Variants in PCGF5 observed in about 807,000 individuals in gnomAD.
PCGF5 encodes polycomb group RING finger protein 5.
In PCGF5, 9 loss-of-function variants were observed where a neutral mutation model predicts 44.3. The ratio of observed to expected loss-of-function variants is 0.20; its 90% CI spans 0.12 to 0.35. The LOEUF (loss-of-function observed/expected upper bound fraction) is 0.35, where lower values mean the gene tolerates loss of function less well. Ranked by LOEUF, PCGF5 falls within the 10% of genes least tolerant of loss-of-function variation. The pLI is 1.00. For missense variants in PCGF5, 146 were observed against 305.3 expected (o/e 0.48, Z 3.89); for synonymous variants, 95 against 102.5 (o/e 0.93, Z 0.44).
chr10:91,187,411 T>C (rs1361518275), intron 1 of PCGF5, among the ~76,000 whole-genome samples: 1 of 152,104 alleles, frequency 6.6e-6, no homozygotes, highest in East Asian at 1.9e-4. Context: ...ACCTGCTTTG[T>C]GGATACAGTC....
intron 6 of PCGF5, among the ~76,000 whole-genome samples, chr10:91,251,686 T>G (rs1845627278): frequency 1.3e-5 from 2 of 152,028 alleles, no homozygotes. Context: ...TTTCTCCTTT[T>G]ATACCTTTGC....
intron 7 of PCGF5, 100 bp from the exon 8 acceptor site, chr10:91,264,331 T>C: frequency 2.3e-6 from 2 of 885,874 alleles, no homozygotes; most frequent in Non-Finnish European, 3.4e-6. Context: ...ATAATACTTT[T>C]GTTCCAACTA....
intron 1 of PCGF5, among the ~76,000 whole-genome samples, chr10:91,206,402 G>A (rs1261880749): frequency 6.6e-6 from 1 of 152,084 alleles, no homozygotes; most frequent in Non-Finnish European, 1.5e-5. Flanking sequence ...AAAAACCAAA[G>A]AGACAATTTC....
intron 1 of PCGF5, among the ~76,000 whole-genome samples, chr10:91,200,085 C>T (rs987956155): frequency 2.6e-5 from 4 of 152,206 alleles, no homozygotes; most frequent in Non-Finnish European, 5.9e-5. Flanking sequence ...ATCCATCCTC[C>T]TTGACTGAGG....
chr10:91,255,864 G>A (rs1200883966), intron 6 of PCGF5, among the ~76,000 whole-genome samples: 1 of 151,950 alleles, frequency 6.6e-6, no homozygotes, highest in Admixed American at 6.6e-5. Flanking sequence ...ATATAAAATG[G>A]TGTAGTATTT....
chr10:91,220,970 C>CA (rs1449975204), intron 1 of PCGF5, 134 bp downstream of exon 1: 1 of 152,204 alleles, frequency 6.6e-6, no homozygotes, highest in African/African-American at 2.4e-5. Context: ...CCTTCGGGTG[C>CA]AGGGGGCTAC....
chr10:91,171,075 G>A (rs960346117), intron 1 of PCGF5, among the ~76,000 whole-genome samples: 1 of 152,182 alleles, frequency 6.6e-6, no homozygotes, highest in Non-Finnish European at 1.5e-5. Flanking sequence ...TGGTTGCCAA[G>A]GGTTAGAATG....
rs1846475635 is a variant in PCGF5 at position 91,282,374 on chromosome 10, CATGGGAGG to C, written c.*4059_*4066del. ...TGGCACGCGCCTGTAATCCCAGCTA[CATGGGAGG>C]TTGAGGCAGGAGAATCTCTTGAACC... On this transcript the variant is annotated 3_prime_UTR_variant, in exon 10 of 10. Coordinates refer to ENST00000336126, the MANE Select transcript of PCGF5 (RefSeq NM_032373.5). 6.6e-6 allele frequency: 1 copy of C among 152,438 alleles called. No individual in the cohort carries two copies. The highest frequency in any genetic ancestry group is 1.5e-5 in the Non-Finnish European group (1 of 68,108). 9.4% of individuals were successfully genotyped at this position (152,438 alleles called of 1,614,324 possible).
chr10:91,187,663 G>A (rs541555868), intron 1 of PCGF5, among the ~76,000 whole-genome samples: 1 of 152,280 alleles, frequency 6.6e-6, no homozygotes, highest in African/African-American at 2.4e-5. Context: ...CATGGGGAAA[G>A]TGTATTATAT....
intron 1 of PCGF5, among the ~76,000 whole-genome samples, chr10:91,204,632 G>T (rs1054546752): frequency 6.6e-6 from 1 of 152,174 alleles, no homozygotes; most frequent in Non-Finnish European, 1.5e-5. Context: ...ATAAACATGA[G>T]AACCCAGAAA....
At chr10:91,178,492 C>A (rs1307744745) in intron 1 of PCGF5, among the ~76,000 whole-genome samples, 1 of 151,524 alleles carries the variant, frequency 6.6e-6, no homozygotes, top group Non-Finnish European at 1.5e-5. Context: ...CAGGCTCAAG[C>A]AATACCCCCA....
At chr10:91,189,048 A>G (rs1485668963) in intron 1 of PCGF5, among the ~76,000 whole-genome samples, 1 of 152,252 alleles carries the variant, frequency 6.6e-6, no homozygotes, top group Non-Finnish European at 1.5e-5. Context: ...ATTAGCTAGC[A>G]TGTGGCTGCA....
intron 1 of PCGF5, among the ~76,000 whole-genome samples, chr10:91,163,868 C>T (rs1301971597): frequency 6.6e-6 from 1 of 152,132 alleles, no homozygotes; most frequent in Admixed American, 6.5e-5. Context: ...CGGACGTGCC[C>T]GCTGCTCCCA....
intron 7 of PCGF5, among the ~76,000 whole-genome samples, chr10:91,263,405 A>G (rs1354999303): frequency 6.6e-6 from 1 of 152,202 alleles, no homozygotes; most frequent in East Asian, 1.9e-4. Flanking sequence ...ATCATAAATC[A>G]TCAAAAAATC....
chr10:91,217,068 C>G (rs1270869657), upstream of PCGF5, among the ~76,000 whole-genome samples: 1 of 151,826 alleles, frequency 6.6e-6, no homozygotes, highest in Non-Finnish European at 1.5e-5. Flanking sequence ...GTCTCTCGCT[C>G]TGTCGCCCAG....
intron 2 of PCGF5, among the ~76,000 whole-genome samples, chr10:91,234,944 C>T (rs1023254966): frequency 1.3e-5 from 2 of 152,116 alleles, no homozygotes; most frequent in African/African-American, 4.8e-5. Context: ...AGGGAGAGTA[C>T]ATTGATCACA....
At chr10:91,268,125 T>A (rs909462921) in intron 8 of PCGF5, among the ~76,000 whole-genome samples, 1 of 152,134 alleles carries the variant, frequency 6.6e-6, no homozygotes. Flanking sequence ...TATGTGTGTG[T>A]GTGTTCCTAG....
At chr10:91,167,663 T>C (rs1235406810) in intron 1 of PCGF5, among the ~76,000 whole-genome samples, 1 of 152,164 alleles carries the variant, frequency 6.6e-6, no homozygotes, top group Non-Finnish European at 1.5e-5. Context: ...AGGACTATAT[T>C]GTGCAGCATC....
At chr10:91,196,854 T>G (rs1844143344) in intron 1 of PCGF5, among the ~76,000 whole-genome samples, 1 of 152,164 alleles carries the variant, frequency 6.6e-6, no homozygotes, top group Non-Finnish European at 1.5e-5. Flanking sequence ...TCCCAGCCAG[T>G]GAAATCACTT....
Sources: allele counts gnomAD v4.1 joint callset (sites outside exome capture counted in the v4.1 genomes callset), GRCh38; gene constraint gnomAD v4.1.1; transcripts MANE v1.5; gene names NCBI Gene and HGNC (gene_info 2026-07-23, HGNC 2026-07-21).